The following EIF2AK4 variants were observed in gnomAD, a reference collection of about 807,000 sequenced individuals.
EIF2AK4 encodes eIF-2-alpha kinase GCN2.
A neutral mutation model predicts 211.1 loss-of-function variants in EIF2AK4; 139 were observed. The ratio of observed to expected loss-of-function variants is 0.66; its 90% CI spans 0.57 to 0.76. EIF2AK4 has a LOEUF of 0.76. EIF2AK4 is among the 30% of genes least tolerant of loss of function. EIF2AK4 has a pLI of 0.00. For missense variants in EIF2AK4, 1,664 were observed against 2,043.8 expected (o/e 0.81, Z 3.58); for synonymous variants, 710 against 751.3 (o/e 0.94, Z 0.90).
chr15:39,939,609 T>A lies in EIF2AK4; in HGVS notation c.249T>A (p.Tyr83Ter), dbSNP rs777611369. 1.0e-5 allele frequency: 16 copies of A among 1,606,598 alleles called. No individual in the cohort carries two copies. The highest frequency in any genetic ancestry group is 1.3e-5 in the Non-Finnish European group (15 of 1,175,482). ...VDLRVKCPPT[Y>*]PDVVPEIELK... is the part of the protein sequence containing the mutation. ...TGAGGGTTAAATGCCCACCTACCTATCCAGATGTGTGAGTACATTTATAAA... is the reference window on the plus strand; with the variant it reads ...TGAGGGTTAAATGCCCACCTACCTAACCAGATGTGTGAGTACATTTATAAA... Residue 83 changes from tyrosine to a stop codon, truncating the protein, a stop_gained, in exon 2 of 39, where the codon TAT becomes TAA. Coordinates refer to ENST00000263791, the MANE Select transcript of EIF2AK4 (RefSeq NM_001013703.4). LOFTEE classifies it high-confidence loss of function.
intron 31 of EIF2AK4, 111 bp downstream of exon 31, chr15:40,021,138 T>A: frequency 7.9e-7 from 1 of 1,266,486 alleles, no homozygotes. Context: ...GTAATTCGAG[T>A]TGCCTCCTGT....
intron 4 of EIF2AK4, among the ~76,000 whole-genome samples, chr15:39,950,714 A>C (rs1476683510): frequency 6.6e-6 from 1 of 151,768 alleles, no homozygotes; most frequent in African/African-American, 2.4e-5. Context: ...TGATCCTTCT[A>C]TATAGTTCAT....
Position 39,996,990 on chromosome 15 carries a change from T to C in EIF2AK4, c.2793T>C (p.Ile931=). ...AAGTGGATCTCTTCAGCCTGGGAAT[T>C]ATCTTCTTTGAGATGTCCTATCACC... ...NQKVDLFSLG[I]IFFEMSYHPM... The change falls in exon 19 of 39, where the codon ATT becomes ATC. Residue 931 remains isoleucine, a synonymous_variant. Coordinates refer to ENST00000263791, the MANE Select transcript of EIF2AK4 (RefSeq NM_001013703.4). 6.2e-7 allele frequency: 1 copy of C among 1,614,010 alleles called. No homozygotes were observed. Among genetic ancestry groups the C allele is most frequent in the Non-Finnish European group, 8.5e-7 (1 of 1,179,902 alleles).
In EIF2AK4 at chr15:39,967,140, A is replaced by G. The variant is rs561623485; in HGVS notation, c.1018-204A>G. On this transcript the variant is annotated intron_variant, in intron 8 of 38. Transcript: ENST00000263791. ...ATCTTTATGAACTATTAGATTGACC[A>G]TATGGTTTGGGGAGGATTCAGTTTA... is the stretch of plus-strand genomic sequence containing the variant. Among the ~76,000 whole-genome samples, 4 of 152,266 alleles carry G rather than the reference A, an allele frequency of 2.6e-5. No individual in the cohort carries two copies. In the East Asian group the frequency reaches 7.7e-4, roughly 29 times the overall value.
intron 13 of EIF2AK4, among the ~76,000 whole-genome samples, chr15:39,979,927 G>A (rs938255448): frequency 2.0e-5 from 3 of 152,144 alleles, no homozygotes; most frequent in Non-Finnish European, 4.4e-5. Context: ...GAAAAAGGAA[G>A]AAAAGAGGGG....
intron 26 of EIF2AK4, 113 bp downstream of exon 26, chr15:40,009,843 C>G (rs2035212524): frequency 4.0e-6 from 3 of 741,166 alleles, no homozygotes; most frequent in East Asian, 2.6e-5. Flanking sequence ...GAATTGGGAG[C>G]CTTATCTCCT....
Position 39,965,736 on chromosome 15 carries a change from A to G in EIF2AK4, c.910A>G (p.Thr304Ala). 1.9e-6 allele frequency: 3 copies of G among 1,614,096 alleles called. No individual in the cohort carries two copies. The highest frequency in any genetic ancestry group is 2.5e-6 in the Non-Finnish European group (3 of 1,179,974). The part of the protein sequence containing the change: ...KLVYNALETA[T>A]GGFVLLYEWV... ...AGTCTACAATGCTTTGGAAACAGCC[A>G]CTGGTGGCTTTGTCTTGTTGTATGA... Residue 304 changes from threonine (T) to alanine (A), a missense_variant, in exon 8 of 39, where the codon ACT becomes GCT. By Grantham distance (58) the Thr-to-Ala change is moderately conservative. Coordinates refer to ENST00000263791, the MANE Select transcript of EIF2AK4 (RefSeq NM_001013703.4).
chr15:39,948,067 A>AT (rs2034254086), intron 3 of EIF2AK4, among the ~76,000 whole-genome samples: 2 of 152,210 alleles, frequency 1.3e-5, no homozygotes, highest in Non-Finnish European at 2.9e-5. Flanking sequence ...CTGACTGTAA[A>AT]GTGAAATATA....
At chr15:39,974,503 T>G (rs1198266113) in intron 11 of EIF2AK4, 2 of 152,160 alleles carry the variant, frequency 1.3e-5, no homozygotes, top group Non-Finnish European at 2.9e-5. Context: ...GAAAAACTTT[T>G]ACACTAAAAA....
chr15:39,985,896 C>G lies in EIF2AK4; in HGVS notation c.2403+8C>G. 6.2e-7 allele frequency: 1 copy of G among 1,613,026 alleles called. No homozygotes were observed. Among genetic ancestry groups the G allele is most frequent in the Non-Finnish European group, 8.5e-7 (1 of 1,179,396 alleles). On this transcript the variant is annotated splice_region_variant and intron_variant, in intron 14 of 38. Coordinates refer to ENST00000263791, the MANE Select transcript of EIF2AK4 (RefSeq NM_001013703.4). ...CACTACCTATACATCCAGGTGAGGT[C>G]GTGGTGTGTAGTTAGGTGACACAGC...
At position 39,978,141 on chromosome 15, in the gene EIF2AK4, G is replaced by A; in HGVS notation, c.2313G>A (p.Gln771=). The A allele has an allele frequency of 1.3e-6, 2 of 1,553,444 alleles. No homozygotes were observed. The highest frequency in any genetic ancestry group is 1.8e-6 in the Non-Finnish European group (2 of 1,134,276). The change falls in exon 13 of 39, where the codon CAG becomes CAA. Residue 771 remains glutamine (Q), a synonymous_variant. Coordinates refer to ENST00000263791, the MANE Select transcript of EIF2AK4 (RefSeq NM_001013703.4). ...FDNEDENSKS[Q]NQDEDCNEKN... is the part of the protein sequence containing the mutation. ...ATGAAGATGAGAACAGTAAAAGTCA[G>A]AATCAGGTATATATATGAATAGAAA...
At chr15:39,981,472 T>G (rs1440398328) in intron 13 of EIF2AK4, among the ~76,000 whole-genome samples, 1 of 152,216 alleles carries the variant, frequency 6.6e-6, no homozygotes, top group Non-Finnish European at 1.5e-5. Context: ...ATCCTGGTTT[T>G]GCTCAGTTAA....
At chr15:39,939,429 A>G in intron 1 of EIF2AK4, 76 bp from the exon 2 acceptor site, 1 of 815,648 alleles carries the variant, frequency 1.2e-6, no homozygotes, top group Non-Finnish European at 1.8e-6. Context: ...TTTTGATCTA[A>G]AATGATCATT....
At chr15:39,979,846 T>C (rs1330808410) in intron 13 of EIF2AK4, among the ~76,000 whole-genome samples, 2 of 152,200 alleles carry the variant, frequency 1.3e-5, no homozygotes, top group Non-Finnish European at 2.9e-5. Flanking sequence ...TGGTTTCACA[T>C]CACGGCTTAA....
intron 11 of EIF2AK4, 63 bp from the exon 12 acceptor site, chr15:39,976,351 G>T: frequency 1.3e-6 from 2 of 1,502,180 alleles, no homozygotes; most frequent in South Asian, 2.6e-5. Flanking sequence ...GGGATGGGGT[G>T]CGGTGCAAAT....
intron 13 of EIF2AK4, among the ~76,000 whole-genome samples, chr15:39,980,985 A>G (rs190982823): frequency 6.6e-6 from 1 of 152,364 alleles, no homozygotes; most frequent in East Asian, 1.9e-4. Context: ...TCTGAGTATT[A>G]GCCAGTGTGT....
chr15:40,014,580 G>T (rs1303026339), intron 27 of EIF2AK4, among the ~76,000 whole-genome samples: 1 of 152,226 alleles, frequency 6.6e-6, no homozygotes, highest in Non-Finnish European at 1.5e-5. Flanking sequence ...GAGGAGGGGG[G>T]CCCTGGGGCC....
At chr15:40,002,148 C>G (rs1278003546) in intron 21 of EIF2AK4, among the ~76,000 whole-genome samples, 1 of 152,082 alleles carries the variant, frequency 6.6e-6, no homozygotes, top group Non-Finnish European at 1.5e-5. Context: ...TTTTTACTGG[C>G]TGGCAATATT....
At chr15:39,935,253 T>C (rs1431711745) in intron 1 of EIF2AK4, among the ~76,000 whole-genome samples, 1 of 152,192 alleles carries the variant, frequency 6.6e-6, no homozygotes, top group Non-Finnish European at 1.5e-5. Flanking sequence ...GACAGTTTTT[T>C]CCCCATCCTT....
Sources: gnomAD v4.1 joint callset for allele counts (sites outside exome capture counted in the v4.1 genomes callset) on GRCh38, gnomAD v4.1.1 for gene constraint, MANE v1.5 for transcripts, NCBI Gene and HGNC (gene_info 2026-07-23, HGNC 2026-07-21) for gene names.